Variants in CENPE observed in about 807,000 individuals in gnomAD.
CENPE encodes centromere-associated protein E.
CENPE carries 145 observed loss-of-function variants against 336.1 expected under a neutral mutation model. The ratio of observed to expected loss-of-function variants is 0.43; its 90% CI spans 0.38 to 0.50. The LOEUF (loss-of-function observed/expected upper bound fraction) is 0.50. CENPE is among the 20% of genes least tolerant of loss of function. The probability of loss-of-function intolerance (pLI) is 0.00; values close to 1 mark genes in which losing one functional copy is unlikely to be tolerated. For synonymous variants in CENPE, 1,013 were observed against 984.8 expected (o/e 1.03, Z -0.54); for missense variants, 2,719 against 3,023.3 (o/e 0.90, Z 2.36).
At chr4:103,180,636 A>G (rs1756252266) in intron 12 of CENPE, among the ~76,000 whole-genome samples, 167 bp from the exon 13 acceptor site, 1 of 152,216 alleles carries the variant, frequency 6.6e-6, no homozygotes, top group South Asian at 2.1e-4. Flanking sequence ...TGCAGTTACC[A>G]TAATCAATAA....
intron 35 of CENPE, among the ~76,000 whole-genome samples, chr4:103,141,468 T>C (rs1471414842): frequency 6.6e-6 from 1 of 152,198 alleles, no homozygotes; most frequent in Non-Finnish European, 1.5e-5. Flanking sequence ...ACAATGTATG[T>C]ATCCATTTTC....
intron 46 of CENPE, among the ~76,000 whole-genome samples, chr4:103,111,248 C>T (rs867936144): frequency 6.6e-6 from 1 of 152,146 alleles, no homozygotes; most frequent in South Asian, 2.1e-4. Context: ...ATATCCTGAT[C>T]CTGATCACCA....
intron 28 of CENPE, 91 bp downstream of exon 28, chr4:103,148,753 C>G (rs1578610708): frequency 8.3e-7 from 1 of 1,198,952 alleles, no homozygotes; most frequent in East Asian, 2.3e-5. Flanking sequence ...AATTAATGAA[C>G]CACATCCTAG....
Position 103,159,307 on chromosome 4 carries a change from T to C in CENPE, c.2304A>G (p.Glu768=). 1 of 1,502,656 alleles carries C rather than the reference T, an allele frequency of 6.7e-7. No individual in the cohort carries two copies. The highest frequency in any genetic ancestry group is 1.3e-5 in the South Asian group (1 of 74,248). The allele number at this position is 1,502,656 out of a possible 1,614,324, so 93.1% of individuals were successfully genotyped here. A position where few individuals can be genotyped will look rare whatever the true frequency, so the allele number is the denominator to read the frequency against. The change falls in exon 22 of 49, where the codon GAA becomes GAG. Residue 768 remains glutamate (E), a synonymous_variant. Transcript: ENST00000265148. ...TTTCTGATGTTATTATATGGAGCTC[T>C]TCAGATTTGTCTTGTATCTATGGAA... The part of the protein sequence containing the change: ...RLRKEIQDKS[E]ELHIITSEKD...
rs1349020104 is a variant in CENPE at position 103,195,969 on chromosome 4, A to C, written c.308T>G (p.Leu103Trp). 8 of 1,613,786 alleles carry C rather than the reference A, an allele frequency of 5.0e-6. No homozygotes were observed. The highest frequency in any genetic ancestry group is 6.8e-6 in the Non-Finnish European group (8 of 1,179,798). Residue 103 changes from leucine to tryptophan, a missense_variant, in exon 4 of 49, where the codon TTG (leucine) becomes TGG (tryptophan). Physicochemically the swap from Leu to Trp is moderately conservative, Grantham distance 61. This residue lies in a region of CENPE where 106 missense variants were observed against 189.3 expected (regional missense o/e 0.56). Transcript: ENST00000265148. ...ATGAATTGCCCTGGGTATAACTCCC[A>C]AATGATCTTCTGAACCCATCATGGT... ...TYTMMGSEDH[L>W]GVIPRAIHDI...
chr4:103,176,093 A>C, intron 14 of CENPE, 45 bp from the exon 15 acceptor site: 1 of 1,172,854 alleles, frequency 8.5e-7, no homozygotes, highest in East Asian at 2.5e-5. Flanking sequence ...CATGTTTACC[A>C]AATTTCCTAA....
intron 8 of CENPE, among the ~76,000 whole-genome samples, chr4:103,192,009 G>A (rs192996743): frequency 1.3e-5 from 2 of 152,002 alleles, no homozygotes; most frequent in African/African-American, 4.8e-5. Context: ...AGGTGGCAGA[G>A]GAGACTGCTT....
At chr4:103,194,531 G>A in intron 6 of CENPE, 72 bp downstream of exon 6, 1 of 1,464,098 alleles carries the variant, frequency 6.8e-7, no homozygotes, top group Non-Finnish European at 9.4e-7. Flanking sequence ...AGTATGATTT[G>A]AGGTCCAAAC....
chr4:103,179,555 T>C (rs1028083667), intron 13 of CENPE, among the ~76,000 whole-genome samples: 1 of 152,240 alleles, frequency 6.6e-6, no homozygotes, highest in Non-Finnish European at 1.5e-5. Flanking sequence ...ACATAATGCT[T>C]ATTCACATTA....
chr4:103,158,833 T>A lies in CENPE; in HGVS notation c.2655A>T (p.Arg885Ser), dbSNP rs376175124. The change falls in exon 23 of 49, where the codon AGA (arginine) becomes AGT (serine). Residue 885 changes from arginine (R) to serine (S), a missense_variant. Physicochemically the swap from Arg to Ser is moderately radical, Grantham distance 110. Transcript: ENST00000265148. The part of the protein sequence containing the change: ...LQEKTREVQE[R>S]LNEMEQLKEQ... The stretch of plus-strand genomic sequence containing the variant: ...CCTTCAGCTGTTCCATCTCATTTAG[T>A]CTTTCTTGAACCTCACGTGTTTTCT... 9 of 1,612,108 alleles carry A rather than the reference T, an allele frequency of 5.6e-6. No individual in the cohort carries two copies. Among genetic ancestry groups the A allele is most frequent in the Admixed American group, 3.4e-5 (2 of 59,642 alleles).
intron 16 of CENPE, among the ~76,000 whole-genome samples, chr4:103,170,134 G>T (rs1755273515): frequency 6.6e-6 from 1 of 152,118 alleles, no homozygotes; most frequent in African/African-American, 2.4e-5. Flanking sequence ...GGCCTGTTGG[G>T]GATTGGGGGC....
intron 45 of CENPE, among the ~76,000 whole-genome samples, chr4:103,115,784 G>A (rs1361798646): frequency 1.0e-4 from 15 of 148,788 alleles, no homozygotes; most frequent in African/African-American, 2.7e-4. Flanking sequence ...AGGCTGGAGT[G>A]CAGTGGTGCG....
At chr4:103,186,067 C>A (rs1473239279) in intron 8 of CENPE, among the ~76,000 whole-genome samples, 3 of 152,140 alleles carry the variant, frequency 2.0e-5, no homozygotes, top group Non-Finnish European at 4.4e-5. Flanking sequence ...CATAATGCCA[C>A]CAGTATAGGT....
At chr4:103,183,576 C>T (rs1011688778) in intron 9 of CENPE, among the ~76,000 whole-genome samples, 2 of 152,178 alleles carry the variant, frequency 1.3e-5, no homozygotes, top group Non-Finnish European at 2.9e-5. Context: ...AAGAGCTTCT[C>T]TAGCTCTTCA....
chr4:103,198,138 C>A (rs1182150385), intron 1 of CENPE, 126 bp downstream of exon 1: 6 of 844,836 alleles, frequency 7.1e-6, no homozygotes, highest in Admixed American at 2.6e-5. Context: ...CGATGGCCAG[C>A]AGCCGAGTCA....
At position 103,180,433 on chromosome 4, in the gene CENPE, C is replaced by T. The variant is rs1756231424; in HGVS notation, c.1120G>A (p.Asp374Asn). The T allele has an allele frequency of 6.2e-7, 1 of 1,612,252 alleles. No individual in the cohort carries two copies. ...TCTTCCAAAAGTTGGGCCAATTGGT[C>T]TTTTTCCATTGCCTGAGCCCGCGTC... ...LETRAQAMEK[D>N]QLAQLLEEKD... Residue 374 changes from aspartate (D) to asparagine (N), a missense_variant, in exon 13 of 49, where the codon GAC (aspartate) becomes AAC (asparagine). This residue lies in a region of CENPE where 117 missense variants were observed against 215.8 expected (regional missense o/e 0.54). Transcript: ENST00000265148.
chr4:103,193,387 TTAA>T (rs1446112204), intron 8 of CENPE, among the ~76,000 whole-genome samples: 17 of 152,106 alleles, frequency 1.1e-4, no homozygotes, highest in Admixed American at 8.5e-4. Context: ...TATTAAGTAA[TTAA>T]TAATCTAATT....
chr4:103,176,518 T>A (rs1469744335), intron 14 of CENPE, among the ~76,000 whole-genome samples: 3 of 152,162 alleles, frequency 2.0e-5, no homozygotes, highest in African/African-American at 7.2e-5. Context: ...GCATCATTCT[T>A]AGGAGATTCA....
At chr4:103,166,802 T>C (rs1754962484) in intron 16 of CENPE, among the ~76,000 whole-genome samples, 1 of 152,190 alleles carries the variant, frequency 6.6e-6, no homozygotes, top group Non-Finnish European at 1.5e-5. Flanking sequence ...TGATAACAAC[T>C]ACAGATTCTT....
Sources: gnomAD v4.1 joint callset for allele counts (sites outside exome capture counted in the v4.1 genomes callset) on GRCh38, gnomAD v4.1.1 for gene constraint, gnomAD v4.1.1 regional missense constraint, MANE v1.5 for transcripts, NCBI Gene and HGNC (gene_info 2026-07-23, HGNC 2026-07-21) for gene names.